Variants in TIAM1 observed in about 807,000 individuals in gnomAD.
The protein encoded by TIAM1 is TIAM Rac1 associated GEF 1.
In TIAM1, 65 loss-of-function variants were observed where a neutral mutation model predicts 163.5. That is an observed-to-expected ratio of 0.40 (90% confidence interval 0.33 to 0.49). The LOEUF (loss-of-function observed/expected upper bound fraction) is 0.49, where lower values mean the gene tolerates loss of function less well. Among genes scored for constraint, TIAM1 ranks in the 20% least tolerant of loss-of-function variants. The pLI, the probability that TIAM1 is intolerant of heterozygous loss-of-function variation, is 0.77. For synonymous variants in TIAM1, 833 were observed against 810.1 expected (o/e 1.03, Z -0.48); for missense variants, 1,789 against 2,044.7 (o/e 0.87, Z 2.41).
intron 2 of TIAM1, among the ~76,000 whole-genome samples, chr21:31,459,273 A>T (rs915777384): frequency 6.6e-6 from 1 of 152,080 alleles, no homozygotes; most frequent in Non-Finnish European, 1.5e-5. Context: ...CACCATGCCC[A>T]GTTAATTTTT....
At chr21:31,540,488 C>T (rs1256378626) in intron 1 of TIAM1, among the ~76,000 whole-genome samples, 5 of 152,166 alleles carry the variant, frequency 3.3e-5, no homozygotes, top group East Asian at 3.8e-4. Context: ...CCTATAATCC[C>T]GGCACTTTGG....
At chr21:31,447,652 T>C (rs1028055079) in intron 2 of TIAM1, among the ~76,000 whole-genome samples, 1 of 152,170 alleles carries the variant, frequency 6.6e-6, no homozygotes, top group Non-Finnish European at 1.5e-5. Flanking sequence ...GGCTCACGTG[T>C]TTCCCTGAAG....
In TIAM1 at chr21:31,373,169, T is replaced by C. The variant is rs931484410; in HGVS notation, c.-368-33747A>G. Among the ~76,000 whole-genome samples the C allele has an allele frequency of 4.7e-5, 7 of 150,288 alleles. No individual in the cohort carries two copies. In the East Asian group the frequency reaches 1.4e-3, roughly 29 times the overall value. ...TGGGCATGGTGGCACGTGCCTGTGG[T>C]CCCCCAGCTACTCAGGAGGCTGAAG... On this transcript the variant is annotated intron_variant, in intron 2 of 28. Transcript: ENST00000286827.
intron 2 of TIAM1, among the ~76,000 whole-genome samples, chr21:31,406,950 C>T (rs1245474374): frequency 6.6e-6 from 1 of 152,148 alleles, no homozygotes. Flanking sequence ...TGGCCAAAAC[C>T]ATTCTCCTCC....
At position 31,266,128 on chromosome 21, in the gene TIAM1, G is replaced by A. The variant is rs375767791; in HGVS notation, c.845C>T (p.Pro282Leu). The change falls in exon 4 of 28, where the codon CCG (proline) becomes CTG (leucine). Residue 282 changes from proline (P) to leucine (L), a missense_variant. Pro to Leu is a moderately conservative substitution (Grantham distance 98). Around this residue, in one of 5 missense-constraint regions of TIAM1, gnomAD observed 555 missense variants for 564.9 expected, o/e 0.98. Transcript: ENST00000541036. ...GGGAAGTGTGTTATAATTACTGTAC[G>A]GAGGAGTCTCTTCAGCAGCAGCTGG... The part of the protein sequence containing the change: ...MPPAAAEETP[P>L]YSNYNTLPCR... The A allele has an allele frequency of 8.0e-5, 129 of 1,614,166 alleles. No individual in the cohort carries two copies. The highest frequency in any genetic ancestry group is 1.1e-4 in the East Asian group (5 of 44,864).
In TIAM1 at chr21:31,442,070, A is replaced by AATAAATATATATAT. The variant is rs370046459; in HGVS notation, c.-369+21912_-369+21913insATATATATATTTAT. Among the ~76,000 whole-genome samples the AATAAATATATATAT allele has an allele frequency of 1.5e-3, 80 of 53,224 alleles. 3 individuals are homozygous for AATAAATATATATAT. Among genetic ancestry groups the AATAAATATATATAT allele is most frequent in the South Asian group, 3.0e-3 (3 of 1,014 alleles). The allele number at this position is 53,224 out of a possible 152,430, so 34.9% of individuals were successfully genotyped here. ...GACCCTATCTCAGAACAAATAAATA[A>AATAAATATATATAT]ATATATATATATATATAGAACAATA... On this transcript the variant is annotated intron_variant, in intron 2 of 28. Coordinates refer to the TIAM1 transcript ENST00000286827.
chr21:31,132,971 C>T (rs922772643), intron 23 of TIAM1, among the ~76,000 whole-genome samples: 6 of 152,334 alleles, frequency 3.9e-5, no homozygotes, highest in Admixed American at 6.5e-5. Flanking sequence ...CAAGGCGCTT[C>T]GTTGGCAGCA....
chr21:31,508,737 G>A (rs762198), intron 1 of TIAM1, among the ~76,000 whole-genome samples: 96,719 of 151,936 alleles, frequency 0.64, 31,106 homozygotes, highest in East Asian at 0.96. Context: ...TGTGGACCTG[G>A]GTCTCAGCTT....
chr21:31,147,074 G>A, intron 19 of TIAM1, 71 bp from the exon 20 acceptor site: 7 of 1,349,226 alleles, frequency 5.2e-6, no homozygotes, highest in Non-Finnish European at 7.4e-6. Flanking sequence ...GGTTATGGCA[G>A]GGAGCTCACA....
At chr21:31,384,091 C>T (rs149788684) in intron 2 of TIAM1, among the ~76,000 whole-genome samples, 31 of 152,190 alleles carry the variant, frequency 2.0e-4, no homozygotes, top group African/African-American at 5.5e-4. Context: ...ATTCTTGTAA[C>T]GCACTCTGGG....
At position 31,164,893 on chromosome 21, in the gene TIAM1, T is replaced by G. The variant is rs945997605; in HGVS notation, c.2991+69A>C. On this transcript the variant is annotated intron_variant, in intron 16 of 27. Transcript: ENST00000541036. ...GGCCTGGTAACCACATACAGCTGTG[T>G]AGGTGACATTGTCAGCTGTGATTCT... The G allele has an allele frequency of 6.1e-6, 9 of 1,484,692 alleles. No individual in the cohort carries two copies. In the African/African-American group the frequency reaches 1.1e-4, roughly 18 times the overall value. 92.0% of individuals were successfully genotyped at this position (1,484,692 alleles called of 1,614,324 possible).
chr21:31,270,949 T>C (rs1010835311), intron 3 of TIAM1, among the ~76,000 whole-genome samples: 6 of 152,192 alleles, frequency 3.9e-5, no homozygotes, highest in Non-Finnish European at 8.8e-5. Flanking sequence ...TTCAATCAAA[T>C]GTCCCCTGGT....
chr21:31,277,702 CTCTG>C (rs1209629614), intron 2 of TIAM1, among the ~76,000 whole-genome samples: 1 of 152,176 alleles, frequency 6.6e-6, no homozygotes, highest in Non-Finnish European at 1.5e-5. Flanking sequence ...CTCGGGGCTG[CTCTG>C]TCTATGGAGT....
At chr21:31,468,407 C>T (rs115085919) in intron 1 of TIAM1, among the ~76,000 whole-genome samples, 4,566 of 151,646 alleles carry the variant, frequency 0.03, 231 homozygotes, top group African/African-American at 0.1. Context: ...CGCTTGAGCC[C>T]GCAAGGTGGA....
chr21:31,332,869 C>T (rs2075721366), intron 2 of TIAM1, among the ~76,000 whole-genome samples: 1 of 151,820 alleles, frequency 6.6e-6, no homozygotes. Context: ...AAACTAGATT[C>T]CTCTAAATAT....
intron 2 of TIAM1, among the ~76,000 whole-genome samples, chr21:31,383,354 G>C (rs982001240): frequency 6.6e-6 from 1 of 152,054 alleles, no homozygotes; most frequent in African/African-American, 2.4e-5. Context: ...TGAGTGCCAG[G>C]GGCCACTAAG....
At chr21:31,204,185 C>A (rs1234891705) in intron 11 of TIAM1, among the ~76,000 whole-genome samples, 2 of 152,020 alleles carry the variant, frequency 1.3e-5, no homozygotes, top group Non-Finnish European at 2.9e-5. Flanking sequence ...AATGTTTAAA[C>A]CAAGTGATTT....
At chr21:31,133,230 T>A (rs1297617471) in intron 23 of TIAM1, among the ~76,000 whole-genome samples, 1 of 152,258 alleles carries the variant, frequency 6.6e-6, no homozygotes, top group Non-Finnish European at 1.5e-5. Flanking sequence ...AAGCTCATCA[T>A]GACTACAGCC....
chr21:31,418,454 T>C (rs1458532168), intron 2 of TIAM1, among the ~76,000 whole-genome samples: 1 of 151,680 alleles, frequency 6.6e-6, no homozygotes, highest in East Asian at 1.9e-4. Flanking sequence ...ACAGCTGCTG[T>C]TTTCAGGCAG....
Sources: gnomAD v4.1 joint callset for allele counts (sites outside exome capture counted in the v4.1 genomes callset) on GRCh38, gnomAD v4.1.1 for gene constraint, gnomAD v4.1.1 regional missense constraint, MANE v1.5 for transcripts, NCBI Gene and HGNC (gene_info 2026-07-23, HGNC 2026-07-21) for gene names.